Variants in EML5 observed in about 807,000 individuals in gnomAD.
The protein encoded by EML5 is echinoderm microtubule-associated protein-like 5.
In EML5, 120 loss-of-function variants were observed where a neutral mutation model predicts 250.0. The ratio of observed to expected loss-of-function variants is 0.48; its 90% CI spans 0.41 to 0.56. EML5 has a LOEUF of 0.56. EML5 is among the 20% of genes least tolerant of loss of function. The pLI, the probability that EML5 is intolerant of heterozygous loss-of-function variation, is 0.00. For missense variants in EML5, 2,006 were observed against 2,437.6 expected, an observed-to-expected ratio of 0.82 and a Z score of 3.73; for synonymous variants, 771 against 806.5, an observed-to-expected ratio of 0.96 and a Z score of 0.75.
At chr14:88,702,714 C>T (rs920484479) in intron 13 of EML5, 82 bp from the exon 14 acceptor site, 3 of 983,812 alleles carry the variant, frequency 3.0e-6, no homozygotes, top group Non-Finnish European at 4.2e-6. Flanking sequence ...GAAGTAGGTA[C>T]CCTTTGGGTG....
At chr14:88,648,095 T>C (rs2091443597) in intron 28 of EML5, among the ~76,000 whole-genome samples, 4 of 152,152 alleles carry the variant, frequency 2.6e-5, no homozygotes, top group Non-Finnish European at 5.9e-5. Context: ...AAGTTTTTTT[T>C]CTCTCTTAAT....
At chr14:88,659,362 C>T (rs963493008) in intron 25 of EML5, among the ~76,000 whole-genome samples, 4 of 152,074 alleles carry the variant, frequency 2.6e-5, no homozygotes, top group African/African-American at 9.7e-5. Context: ...AGGGACCCGC[C>T]ACCGTGCCCA....
chr14:88,740,261 A>C, intron 5 of EML5, 126 bp downstream of exon 5: 3 of 643,122 alleles, frequency 4.7e-6, no homozygotes, highest in Non-Finnish European at 7.3e-6. Context: ...TAGATAATTC[A>C]GTTAGAAAAG....
At chr14:88,745,916 A>T (rs2093998097) in intron 3 of EML5, among the ~76,000 whole-genome samples, 1 of 152,136 alleles carries the variant, frequency 6.6e-6, no homozygotes, top group Non-Finnish European at 1.5e-5. Context: ...CTGCACATGT[A>T]CCCCAGAACT....
chr14:88,677,647 A>G (rs1271822822), intron 21 of EML5, among the ~76,000 whole-genome samples: 2 of 152,242 alleles, frequency 1.3e-5, no homozygotes, highest in Admixed American at 1.3e-4. Context: ...ACATAAGCAG[A>G]CAATTCTCAA....
rs765775073 is a variant in EML5 at position 88,688,348 on chromosome 14, T to C, written c.2665A>G (p.Ile889Val). Residue 889 changes from isoleucine to valine, a missense_variant, in exon 18 of 44, where the codon ATC becomes GTC. Coordinates refer to ENST00000554922, the MANE Select transcript of EML5 (RefSeq NM_183387.3). ...TTTACAAGAAAGATGTCTCTCCAGATACACACATCTCCTGTGGATGTTCCA... is the reference window on the plus strand; with the variant it reads ...TTTACAAGAAAGATGTCTCTCCAGACACACACATCTCCTGTGGATGTTCCA... Reference protein sequence around the residue: ...FSGTSTGDVCIWRDIFLVKTV... With the variant: ...FSGTSTGDVCVWRDIFLVKTV... 1.9e-6 allele frequency: 3 copies of C among 1,613,896 alleles called. No individual in the cohort carries two copies. The highest frequency in any genetic ancestry group is 4.5e-5 in the East Asian group (2 of 44,894).
At chr14:88,720,166 G>T (rs141397264) in intron 8 of EML5, among the ~76,000 whole-genome samples, 83 of 152,062 alleles carry the variant, frequency 5.5e-4, no homozygotes, top group African/African-American at 2.0e-3. Flanking sequence ...AACCAAAAAA[G>T]GCTCATGACC....
chr14:88,655,317 A>G (rs2091827385), intron 27 of EML5, among the ~76,000 whole-genome samples: 1 of 152,182 alleles, frequency 6.6e-6, no homozygotes, highest in Non-Finnish European at 1.5e-5. Flanking sequence ...CCTCAGGAAT[A>G]ATGCCACATA....
At chr14:88,618,403 ATACTAGCATATTGC>A in intron 40 of EML5, 72 bp from the exon 41 acceptor site, 1 of 1,300,694 alleles carries the variant, frequency 7.7e-7, no homozygotes, top group South Asian at 1.2e-5. Context: ...GGTTTACAGA[ATACTAGCATATTGC>A]TACTTGATTT....
At chr14:88,683,698 T>C (rs920711383) in intron 20 of EML5, among the ~76,000 whole-genome samples, 1 of 151,962 alleles carries the variant, frequency 6.6e-6, no homozygotes, top group South Asian at 2.1e-4. Context: ...ATACACTATA[T>C]CAACAGAATT....
chr14:88,617,762 T>C (rs1028590058), intron 41 of EML5: 1 of 153,772 alleles, frequency 6.5e-6, no homozygotes, highest in African/African-American at 2.4e-5. Flanking sequence ...ACTATATGCC[T>C]GGCTGATACA....
In EML5 at chr14:88,715,200, T is replaced by TAAAAAGAA; in HGVS notation, c.1188-13_1188-6dup. Reference sequence around the variant, plus strand: ...TGTACAACTTCCGTCATATCTCTGTTAAAAAGAAAAAAATGAGACTACATG... The same window carrying TAAAAAGAA: ...TGTACAACTTCCGTCATATCTCTGTTAAAAAGAAAAAAAGAAAAAAATGAGACTACATG... On this transcript the variant is annotated splice_region_variant and splice_polypyrimidine_tract_variant and intron_variant, in intron 8 of 43. Coordinates refer to ENST00000554922, the MANE Select transcript of EML5 (RefSeq NM_183387.3). 1.3e-6 allele frequency: 2 copies of TAAAAAGAA among 1,567,918 alleles called. No individual in the cohort carries two copies. Among genetic ancestry groups the TAAAAAGAA allele is most frequent in the African/African-American group, 2.7e-5 (2 of 73,252 alleles).
chr14:88,758,019 A>T (rs1316146065), intron 1 of EML5, among the ~76,000 whole-genome samples: 1 of 129,238 alleles, frequency 7.7e-6, no homozygotes, highest in Non-Finnish European at 1.6e-5. Flanking sequence ...CACCTGTCTA[A>T]TTTTTTTTTT....
chr14:88,647,206 CA>C (rs1322259634), intron 28 of EML5, among the ~76,000 whole-genome samples: 1 of 151,750 alleles, frequency 6.6e-6, no homozygotes, highest in Non-Finnish European at 1.5e-5. Flanking sequence ...ACTAAAAATA[CA>C]AAAAACATTA....
Position 88,658,180 on chromosome 14 carries a change from G to A in EML5, c.3877+7C>T, listed in dbSNP as rs752188327. On this transcript the variant is annotated splice_region_variant and intron_variant, in intron 26 of 43. Coordinates refer to ENST00000554922, the MANE Select transcript of EML5 (RefSeq NM_183387.3). ...TATTTTTGTTCAAGTATTATAAAAT[G>A]ACGTACCCCCATCTTCTTCAGAATC... The A allele has an allele frequency of 3.1e-6, 5 of 1,613,198 alleles. No homozygotes were observed. The highest frequency in any genetic ancestry group is 1.7e-6 in the Non-Finnish European group (2 of 1,179,450).
intron 10 of EML5, among the ~76,000 whole-genome samples, chr14:88,708,964 C>A (rs1335067894): frequency 6.6e-6 from 1 of 151,840 alleles, no homozygotes; most frequent in Non-Finnish European, 1.5e-5. Context: ...GATGAAAATT[C>A]TTGGTAAGGA....
chr14:88,648,599 C>T (rs1229549558), intron 28 of EML5, among the ~76,000 whole-genome samples: 1 of 152,074 alleles, frequency 6.6e-6, no homozygotes, highest in African/African-American at 2.4e-5. Context: ...TCAACTGATC[C>T]TTCAAACTTA....
intron 1 of EML5, among the ~76,000 whole-genome samples, chr14:88,774,043 CG>C (rs1286495839): frequency 2.0e-5 from 3 of 152,082 alleles, no homozygotes; most frequent in African/African-American, 7.2e-5. Flanking sequence ...CGCTCGAACC[CG>C]GAGGCAAAGG....
At chr14:88,779,542 GA>G (rs2094476665) in intron 1 of EML5, among the ~76,000 whole-genome samples, 1 of 152,138 alleles carries the variant, frequency 6.6e-6, no homozygotes, top group Non-Finnish European at 1.5e-5. Context: ...CCTTGAACTT[GA>G]ATTTACTGCA....
Sources: allele counts gnomAD v4.1 joint callset (sites outside exome capture counted in the v4.1 genomes callset), GRCh38; gene constraint gnomAD v4.1.1; transcripts MANE v1.5; gene names NCBI Gene and HGNC (gene_info 2026-07-23, HGNC 2026-07-21).